GPHN: variants seen among roughly 807,000 people sequenced by gnomAD.
GPHN encodes the protein gephyrin.
Under a neutral mutation model 95.5 loss-of-function variants are expected in GPHN, and 17 were observed. The ratio of observed to expected loss-of-function variants is 0.18; its 90% CI spans 0.12 to 0.27. The LOEUF is 0.27. GPHN is among the 10% of genes least tolerant of loss of function. The pLI, the probability that GPHN is intolerant of heterozygous loss-of-function variation, is 1.00. For missense variants in GPHN, 660 were observed against 978.1 expected, an observed-to-expected ratio of 0.67 and a Z score of 4.34; for synonymous variants, 320 against 322.5, an observed-to-expected ratio of 0.99 and a Z score of 0.08.
At chr14:67,589,454 A>G in the GPHN span, 52 of 985,398 alleles carry the variant, frequency 5.3e-5, no homozygotes, top group Non-Finnish European at 6.0e-5. Flanking sequence ...TGAGTAACAG[A>G]AAAGTATTAA....
At chr14:66,589,300 C>T (rs1027684984) in intron 1 of GPHN, among the ~76,000 whole-genome samples, 7 of 152,014 alleles carry the variant, frequency 4.6e-5, no homozygotes, top group South Asian at 4.1e-4. Context: ...TAAAGTCTTT[C>T]GACACTATGA....
intron 1 of GPHN, among the ~76,000 whole-genome samples, chr14:66,555,915 A>G (rs1032257245): frequency 6.6e-6 from 1 of 152,270 alleles, no homozygotes; most frequent in Middle Eastern, 3.4e-3. Context: ...ATTCTGAGAA[A>G]TACATAATTT....
At chr14:66,880,286 C>T (rs1022628568) in intron 5 of GPHN, among the ~76,000 whole-genome samples, 13 of 151,796 alleles carry the variant, frequency 8.6e-5, no homozygotes, top group African/African-American at 2.9e-4. Flanking sequence ...AAGTTTGCCC[C>T]TTTTTTTTCC....
intron 1 of GPHN, among the ~76,000 whole-genome samples, chr14:66,652,449 T>C (rs1025384798): frequency 1.3e-5 from 2 of 151,990 alleles, no homozygotes; most frequent in Middle Eastern, 3.2e-3. Context: ...CTACCACATG[T>C]TCAGAATCTG....
At chr14:66,779,072 C>A (rs2059509043) in intron 3 of GPHN, among the ~76,000 whole-genome samples, 1 of 152,020 alleles carries the variant, frequency 6.6e-6, no homozygotes, top group African/African-American at 2.4e-5. Flanking sequence ...AGAAAAAAAT[C>A]TTGTAATTTG....
At chr14:67,361,311 A>C in the GPHN span, among the ~76,000 whole-genome samples, 3 of 152,196 alleles carry the variant, frequency 2.0e-5, no homozygotes, top group Non-Finnish European at 4.4e-5. Context: ...AATCTCTGTC[A>C]ATAGTTTGGG....
At chr14:67,692,326 T>C in the GPHN span, 1 of 1,105,906 alleles carries the variant, frequency 9.0e-7, no homozygotes, top group Non-Finnish European at 1.3e-6. Flanking sequence ...CAGAAGTTTT[T>C]GGCTATATTT....
chr14:67,157,499 G>A (rs1316949175), intron 18 of GPHN, among the ~76,000 whole-genome samples: 1 of 152,076 alleles, frequency 6.6e-6, no homozygotes, highest in East Asian at 1.9e-4. Context: ...ATTCAAGGCA[G>A]AAAAAAGATT....
intron 16 of GPHN, among the ~76,000 whole-genome samples, chr14:67,120,357 T>A (rs991338597): frequency 5.9e-5 from 9 of 152,212 alleles, no homozygotes; most frequent in African/African-American, 2.2e-4. Flanking sequence ...TTCTAGTATA[T>A]TTAGCCTTAT....
chr14:67,562,205 C>T, the GPHN span: 2 of 1,611,498 alleles, frequency 1.2e-6, no homozygotes, highest in Non-Finnish European at 1.7e-6. Context: ...GGATTCTGTC[C>T]CTTCAGAGCC....
At chr14:67,655,207 A>G in the GPHN span, among the ~76,000 whole-genome samples, 1 of 151,954 alleles carries the variant, frequency 6.6e-6, no homozygotes, top group East Asian at 1.9e-4. Context: ...CAGGCACAGT[A>G]GCACATGCCT....
intron 11 of GPHN, among the ~76,000 whole-genome samples, chr14:67,071,835 A>G (rs889252418): frequency 6.6e-6 from 1 of 152,106 alleles, no homozygotes; most frequent in African/African-American, 2.4e-5. Flanking sequence ...AATGAAATAG[A>G]AAATTGAAAA....
At chr14:67,692,235 T>G in the GPHN span, 1 of 569,574 alleles carries the variant, frequency 1.8e-6, no homozygotes. Flanking sequence ...TGCTATGACG[T>G]TTTGAATTCA....
At chr14:67,663,479 C>T in the GPHN span, among the ~76,000 whole-genome samples, 1 of 151,984 alleles carries the variant, frequency 6.6e-6, no homozygotes, top group Admixed American at 6.6e-5. Flanking sequence ...CGAGACCATC[C>T]TGCCTAACAC....
At chr14:67,211,408 C>G in the GPHN span, among the ~76,000 whole-genome samples, 3 of 151,994 alleles carry the variant, frequency 2.0e-5, no homozygotes, top group African/African-American at 7.3e-5. Context: ...ACTATACTAC[C>G]CAATAAACTG....
At chr14:67,674,491 G>A in the GPHN span, 1 of 1,598,666 alleles carries the variant, frequency 6.3e-7, no homozygotes, top group Non-Finnish European at 8.5e-7. Flanking sequence ...GGAGGCCATG[G>A]CGCAGGCCGC....
chr14:66,621,974 T>C (rs2063325585), intron 1 of GPHN, among the ~76,000 whole-genome samples: 1 of 152,122 alleles, frequency 6.6e-6, no homozygotes, highest in Admixed American at 6.5e-5. Flanking sequence ...ACAGTTCCAC[T>C]AGGTTGGAGC....
Position 67,015,629 on chromosome 14 carries a change from G to A in GPHN, c.964-8004G>A, listed in dbSNP as rs538830774. Reference sequence around the variant, plus strand: ...GGAGAGTTGCTTGAACCTGAGAGGCGGAGGTTGCAGTGAGCCAAGATCATG... The same window carrying A: ...GGAGAGTTGCTTGAACCTGAGAGGCAGAGGTTGCAGTGAGCCAAGATCATG... On this transcript the variant is annotated intron_variant, in intron 9 of 22. Coordinates refer to ENST00000478722, the MANE Select transcript of GPHN (RefSeq NM_020806.5). Among the ~76,000 whole-genome samples, 8 of 152,136 alleles carry A rather than the reference G, an allele frequency of 5.3e-5. No individual in the cohort carries two copies. The South Asian group carries it at 1.5e-3, about 28-fold the overall frequency.
intron 10 of GPHN, among the ~76,000 whole-genome samples, chr14:67,051,116 AGCTGCCT>A (rs2075287117): frequency 6.6e-6 from 1 of 152,244 alleles, no homozygotes; most frequent in Non-Finnish European, 1.5e-5. Context: ...CCATCACTGC[AGCTGCCT>A]GCTGCCAGAG....
Sources: allele counts gnomAD v4.1 joint callset (sites outside exome capture counted in the v4.1 genomes callset), GRCh38; gene constraint gnomAD v4.1.1; transcripts MANE v1.5; gene names NCBI Gene and HGNC (gene_info 2026-07-23, HGNC 2026-07-21).